Variants in C10orf90 observed in about 807,000 individuals in gnomAD.
The protein encoded by C10orf90 is chromosome 10 open reading frame 90.
Under a neutral mutation model 62.5 loss-of-function variants are expected in C10orf90, and 56 were observed. The ratio of observed to expected loss-of-function variants is 0.90; its 90% CI spans 0.72 to 1.12. The LOEUF is 1.12. C10orf90 is among the 50% of genes most tolerant of loss of function. The probability of loss-of-function intolerance (pLI) is 0.00; values close to 1 mark genes in which losing one functional copy is unlikely to be tolerated. For synonymous variants in C10orf90, 386 were observed against 340.4 expected, an observed-to-expected ratio of 1.13 and a Z score of -1.47; for missense variants, 970 against 880.4, an observed-to-expected ratio of 1.10 and a Z score of -1.29.
At position 126,577,047 on chromosome 10, in the gene C10orf90, G is replaced by A. The variant is rs1303135421; in HGVS notation, c.314-63108C>T. Among the ~76,000 whole-genome samples, 2 of 151,692 alleles carry A rather than the reference G, an allele frequency of 1.3e-5. 1 individual carries two copies. Among genetic ancestry groups the A allele is most frequent in the Non-Finnish European group, 2.9e-5 (2 of 67,804 alleles). On this transcript the variant is annotated intron_variant, in intron 2 of 9. Coordinates refer to ENST00000488181, the MANE Select transcript of C10orf90 (RefSeq NM_001350921.2). ...ATTTGTTAAAGGATACAAAATTACA[G>A]CTAGATAGGAAGAATAAATCCTAGT...
rs561672678 is a variant in C10orf90 at position 126,565,598 on chromosome 10, C to T, written c.314-51659G>A. Among the ~76,000 whole-genome samples the T allele has an allele frequency of 3.3e-5, 5 of 150,942 alleles. No individual in the cohort carries two copies. The East Asian group carries it at 5.9e-4, about 18-fold the overall frequency. Reference sequence around the variant, plus strand: ...ACGTTTCCAGTGAAACGAGAAACTTCGCACTCTGCGGTCCAGGCTCTGCAC... The same window carrying T: ...ACGTTTCCAGTGAAACGAGAAACTTTGCACTCTGCGGTCCAGGCTCTGCAC... On this transcript the variant is annotated intron_variant, in intron 2 of 9. Transcript: ENST00000488181.
intron 2 of C10orf90, among the ~76,000 whole-genome samples, chr10:126,557,115 T>TA (rs1386957554): frequency 6.6e-6 from 1 of 152,062 alleles, no homozygotes; most frequent in African/African-American, 2.4e-5. Flanking sequence ...ATGACTTTTT[T>TA]AAAGTCATGG....
At chr10:126,469,745 C>T in intron 4 of C10orf90, 3 of 390,100 alleles carry the variant, frequency 7.7e-6, no homozygotes, top group Admixed American at 3.0e-5. Context: ...TCACCTCTTC[C>T]TCTCACCTGG....
chr10:126,526,245 C>CTT (rs1291026294), intron 2 of C10orf90, among the ~76,000 whole-genome samples: 15 of 139,340 alleles, frequency 1.1e-4, no homozygotes, highest in African/African-American at 2.1e-4. Context: ...CTGCAATTGA[C>CTT]TTTTTTTTTT....
intron 7 of C10orf90, among the ~76,000 whole-genome samples, chr10:126,439,026 C>T (rs1359655620): frequency 1.3e-5 from 2 of 152,116 alleles, no homozygotes; most frequent in African/African-American, 4.8e-5. Flanking sequence ...CCAATGTCAA[C>T]ATCACCATGA....
At chr10:126,556,673 A>G (rs1407128628) in intron 2 of C10orf90, among the ~76,000 whole-genome samples, 1 of 152,148 alleles carries the variant, frequency 6.6e-6, no homozygotes, top group East Asian at 1.9e-4. Flanking sequence ...TTAAGGGACA[A>G]GGTAATCGTC....
intron 1 of C10orf90, among the ~76,000 whole-genome samples, chr10:126,652,578 G>A (rs1846312309): frequency 1.3e-5 from 2 of 152,188 alleles, no homozygotes; most frequent in Admixed American, 1.3e-4. Context: ...ATGAGATGTG[G>A]TCTGCAGAGC....
chr10:126,660,469 A>C (rs930799795), intron 1 of C10orf90, among the ~76,000 whole-genome samples: 1 of 152,226 alleles, frequency 6.6e-6, no homozygotes, highest in Non-Finnish European at 1.5e-5. Context: ...GCAGTCCTCT[A>C]AAAGCTGAGA....
At chr10:126,649,034 G>GTCTCTGTCTCTCTC (rs1483691899) in intron 1 of C10orf90, among the ~76,000 whole-genome samples, 4 of 26,590 alleles carry the variant, frequency 1.5e-4, no homozygotes, top group Non-Finnish European at 3.0e-4. Flanking sequence ...CTCTGTCTCT[G>GTCTCTGTCTCTCTC]TCTCTCTCTC....
intron 3 of C10orf90, among the ~76,000 whole-genome samples, chr10:126,513,414 C>A (rs1027205463): frequency 6.6e-6 from 1 of 152,210 alleles, no homozygotes; most frequent in Admixed American, 6.5e-5. Context: ...GCACCAAGCT[C>A]TTTTGTTCCC....
intron 2 of C10orf90, among the ~76,000 whole-genome samples, chr10:126,623,037 G>A (rs1293647875): frequency 1.3e-5 from 2 of 152,168 alleles, no homozygotes; most frequent in African/African-American, 4.8e-5. Flanking sequence ...AGAAGTTAGA[G>A]ACAATGGCAC....
chr10:126,450,108 A>ATAAATT (rs1262274249), intron 7 of C10orf90, among the ~76,000 whole-genome samples: 1 of 152,230 alleles, frequency 6.6e-6, no homozygotes, highest in East Asian at 1.9e-4. Flanking sequence ...ATACATAGAA[A>ATAAATT]TAAATTTAAC....
chr10:126,557,007 A>AT (rs1298579401), intron 2 of C10orf90, among the ~76,000 whole-genome samples: 24 of 108,320 alleles, frequency 2.2e-4, no homozygotes, highest in South Asian at 1.7e-3. Flanking sequence ...CAATTAATCA[A>AT]TTTAAAAAAA....
chr10:126,513,635 A>G (rs1863265332), intron 3 of C10orf90, among the ~76,000 whole-genome samples: 1 of 152,202 alleles, frequency 6.6e-6, no homozygotes, highest in Non-Finnish European at 1.5e-5. Context: ...ATTGGGAGCA[A>G]TTGCCATATT....
At chr10:126,634,273 C>A (rs2133833994) in intron 2 of C10orf90, among the ~76,000 whole-genome samples, 1 of 152,150 alleles carries the variant, frequency 6.6e-6, no homozygotes, top group East Asian at 1.9e-4. Context: ...TGTATAGGCA[C>A]AAAACAATAC....
intron 3 of C10orf90, among the ~76,000 whole-genome samples, chr10:126,510,113 C>T (rs1008741726): frequency 2.0e-5 from 3 of 152,156 alleles, no homozygotes; most frequent in Non-Finnish European, 4.4e-5. Context: ...TTAGGACCCA[C>T]CCTAATGACC....
At chr10:126,429,643 C>T (rs1286718783) in intron 8 of C10orf90, 144 bp downstream of exon 8, 52 of 640,540 alleles carry the variant, frequency 8.1e-5, no homozygotes, top group South Asian at 5.2e-4. Context: ...TTATTTTAGC[C>T]GTTTTTTCAG....
intron 2 of C10orf90, among the ~76,000 whole-genome samples, chr10:126,612,765 G>C (rs1192398456): frequency 6.6e-6 from 1 of 152,034 alleles, no homozygotes; most frequent in Non-Finnish European, 1.5e-5. Flanking sequence ...TATCTAAAAT[G>C]GTCTATTTCT....
In C10orf90 at chr10:126,450,392, G is replaced by A. The variant is rs565009323; in HGVS notation, c.2188+8648C>T. Among the ~76,000 whole-genome samples the A allele has an allele frequency of 4.6e-5, 7 of 152,258 alleles. 1 individual carries two copies. Among genetic ancestry groups the A allele is most frequent in the African/African-American group, 1.7e-4 (7 of 41,568 alleles). On this transcript the variant is annotated intron_variant, in intron 7 of 9. Transcript: ENST00000488181. Reference sequence around the variant, plus strand: ...GCAGACGACTCCAAATAGCCCAAGCGATTGAGAGCAAAAAGAATAAAACTG... The same window carrying A: ...GCAGACGACTCCAAATAGCCCAAGCAATTGAGAGCAAAAAGAATAAAACTG...
Sources: allele counts gnomAD v4.1 joint callset (sites outside exome capture counted in the v4.1 genomes callset), GRCh38; gene constraint gnomAD v4.1.1; transcripts MANE v1.5; gene names NCBI Gene and HGNC (gene_info 2026-07-23, HGNC 2026-07-21).